CDKL2: variants seen among roughly 807,000 people sequenced by gnomAD.
CDKL2 encodes the protein cyclin-dependent kinase-like 2.
In CDKL2, 64 loss-of-function variants were observed where a neutral mutation model predicts 63.9. That is an observed-to-expected ratio of 1.00 (90% CI 0.82 to 1.23). CDKL2 has a LOEUF of 1.23. CDKL2 is among the 50% of genes most tolerant of loss of function. The pLI is 0.00. For synonymous variants in CDKL2, 211 were observed against 229.2 expected (o/e 0.92, Z 0.72); for missense variants, 656 against 668.0 (o/e 0.98, Z 0.20).
chr4:75,594,128 A>G (rs572004779), intron 10 of CDKL2, among the ~76,000 whole-genome samples: 3 of 152,310 alleles, frequency 2.0e-5, no homozygotes, highest in Non-Finnish European at 4.4e-5. Context: ...CTCTTTGAAT[A>G]TATTAATCTG....
intron 1 of CDKL2, among the ~76,000 whole-genome samples, chr4:75,627,735 T>TC (rs1234978368): frequency 1.6e-4 from 22 of 139,046 alleles, no homozygotes; most frequent in African/African-American, 3.2e-4. Flanking sequence ...TTTTTTCTTT[T>TC]TTTTTTTTTT....
intron 12 of CDKL2, among the ~76,000 whole-genome samples, chr4:75,588,086 C>T (rs866976285): frequency 4.0e-5 from 6 of 151,344 alleles, no homozygotes; most frequent in African/African-American, 1.2e-4. Flanking sequence ...TGGTGGTGCA[C>T]GCCTGTAATC....
At chr4:75,628,342 C>G (rs919216879) in intron 1 of CDKL2, among the ~76,000 whole-genome samples, 11 of 152,112 alleles carry the variant, frequency 7.2e-5, no homozygotes, top group Admixed American at 3.3e-4. Context: ...GTATCGATCT[C>G]CTGACCTCGT....
chr4:75,617,487 A>G (rs908615855), intron 2 of CDKL2, among the ~76,000 whole-genome samples: 1 of 150,904 alleles, frequency 6.6e-6, no homozygotes, highest in African/African-American at 2.5e-5. Context: ...TAGAGGCATG[A>G]TTAAAACACC....
intron 2 of CDKL2, among the ~76,000 whole-genome samples, chr4:75,614,960 C>CATATATATAGTA (rs1729872403): frequency 9.3e-6 from 1 of 107,714 alleles, no homozygotes; most frequent in African/African-American, 5.2e-5. Context: ...TATATATACA[C>CATATATATAGTA]TATATATATA....
chr4:75,618,340 C>T (rs961405855), intron 2 of CDKL2, among the ~76,000 whole-genome samples: 10 of 144,266 alleles, frequency 6.9e-5, no homozygotes, highest in African/African-American at 2.3e-4. Context: ...CAACCTCCTC[C>T]GCCTGCCAGG....
chr4:75,580,053 C>T (rs1728194441), intron 13 of CDKL2, among the ~76,000 whole-genome samples: 1 of 152,084 alleles, frequency 6.6e-6, no homozygotes, highest in African/African-American at 2.4e-5. Flanking sequence ...GGGCAGATCA[C>T]CTGAGGTCAG....
intron 2 of CDKL2, among the ~76,000 whole-genome samples, chr4:75,621,649 C>A (rs776146179): frequency 2.3e-4 from 35 of 152,286 alleles, no homozygotes; most frequent in Non-Finnish European, 3.8e-4. Flanking sequence ...GATCCTCCCA[C>A]CTCAGCCTCC....
chr4:75,604,955 T>C (rs1729360358), intron 5 of CDKL2, among the ~76,000 whole-genome samples: 1 of 151,654 alleles, frequency 6.6e-6, no homozygotes, highest in Non-Finnish European at 1.5e-5. Flanking sequence ...GAGCCAAGAT[T>C]GCCACTGCAC....
chr4:75,609,345 G>C (rs565944988), intron 3 of CDKL2, among the ~76,000 whole-genome samples: 1 of 151,686 alleles, frequency 6.6e-6, no homozygotes, highest in Non-Finnish European at 1.5e-5. Context: ...GGTGGCTCAC[G>C]CCTGTAATCC....
intron 2 of CDKL2, among the ~76,000 whole-genome samples, chr4:75,619,577 TAAAA>T (rs71203836): frequency 3.8e-5 from 3 of 78,160 alleles, no homozygotes; most frequent in Admixed American, 1.8e-4. Context: ...CACAGCTGTA[TAAAA>T]AAAAAAAAAA....
Position 75,591,818 on chromosome 4 carries a change from C to G in CDKL2, c.1647+1G>C. On this transcript the variant is annotated splice_donor_variant, in intron 12 of 13. Transcript: ENST00000307465. LOFTEE classifies it high-confidence loss of function. ...CCATCCTATAAAGAGTATTTCTGTA[C>G]CTGATGTAATGTAATACTGGGGGTG... The G allele has an allele frequency of 6.6e-7, 1 of 1,526,056 alleles. No homozygotes were observed. The allele number at this position is 1,526,056 out of a possible 1,614,324, so 94.5% of individuals were successfully genotyped here. A position where few individuals can be genotyped will look rare whatever the true frequency, so the allele number is the denominator to read the frequency against.
chr4:75,623,859 C>A (rs1196973243), intron 2 of CDKL2, among the ~76,000 whole-genome samples: 1 of 151,960 alleles, frequency 6.6e-6, no homozygotes, highest in Non-Finnish European at 1.5e-5. Flanking sequence ...GGGGGCCAGG[C>A]GCGGTGGCTT....
chr4:75,624,395 TA>T (rs1214415013), intron 2 of CDKL2, among the ~76,000 whole-genome samples: 1 of 150,874 alleles, frequency 6.6e-6, no homozygotes, highest in African/African-American at 2.4e-5. Context: ...CTACTGAAAA[TA>T]AAAAAATTAG....
chr4:75,615,497 G>A (rs1388002269), intron 2 of CDKL2, among the ~76,000 whole-genome samples: 2 of 152,112 alleles, frequency 1.3e-5, no homozygotes, highest in Non-Finnish European at 2.9e-5. Context: ...ATCCAAGTAT[G>A]ATCCAGGAAC....
At chr4:75,619,577 TAAAAAAA>T (rs71203836) in intron 2 of CDKL2, among the ~76,000 whole-genome samples, 12,625 of 78,304 alleles carry the variant, frequency 0.16, 992 homozygotes, top group African/African-American at 0.34. Context: ...CACAGCTGTA[TAAAAAAA>T]AAAAAAAAAA....
intron 13 of CDKL2, among the ~76,000 whole-genome samples, chr4:75,579,388 G>A (rs541155833): frequency 5.9e-5 from 9 of 152,102 alleles, no homozygotes; most frequent in South Asian, 2.1e-4. Flanking sequence ...ACTATCTTGC[G>A]TATGGCTGGG....
At chr4:75,629,998 T>C (rs1195226884) in intron 1 of CDKL2, 44 bp downstream of exon 1, 1 of 129,188 alleles carries the variant, frequency 7.7e-6, no homozygotes, top group South Asian at 2.9e-4. Flanking sequence ...CTTTTATAGA[T>C]CAAAGAACGA....
At chr4:75,581,766 C>T (rs1728273331) in intron 13 of CDKL2, 44 bp downstream of exon 13, 1 of 1,082,378 alleles carries the variant, frequency 9.2e-7, no homozygotes, top group Non-Finnish European at 1.4e-6. Flanking sequence ...AAAATAGTAC[C>T]TGTGAAAGGC....
Sources: gnomAD v4.1 joint callset for allele counts (sites outside exome capture counted in the v4.1 genomes callset) on GRCh38, gnomAD v4.1.1 for gene constraint, MANE v1.5 for transcripts, NCBI Gene and HGNC (gene_info 2026-07-23, HGNC 2026-07-21) for gene names.